Variants in KIF13B observed in about 807,000 individuals in gnomAD.
The protein encoded by KIF13B is kinesin family member 13B.
Under a neutral mutation model 222.0 loss-of-function variants are expected in KIF13B, and 127 were observed. That is an observed-to-expected ratio of 0.57 (90% CI 0.50 to 0.66). The LOEUF (loss-of-function observed/expected upper bound fraction) is 0.66. Among genes scored for constraint, KIF13B ranks in the 30% least tolerant of loss-of-function variants. The pLI is 0.00. For synonymous variants in KIF13B, 976 were observed against 919.0 expected, an observed-to-expected ratio of 1.06 and a Z score of -1.12; for missense variants, 2,173 against 2,379.0, an observed-to-expected ratio of 0.91 and a Z score of 1.80.
intron 36 of KIF13B, among the ~76,000 whole-genome samples, chr8:29,094,880 A>G (rs893594410): frequency 6.6e-6 from 1 of 152,120 alleles, no homozygotes; most frequent in African/African-American, 2.4e-5. Context: ...AAAAAAAACA[A>G]TGACTGAAAT....
chr8:29,245,642 G>A (rs1302160713), intron 1 of KIF13B, among the ~76,000 whole-genome samples: 2 of 152,134 alleles, frequency 1.3e-5, no homozygotes, highest in Admixed American at 6.6e-5. Flanking sequence ...GAAGGACTGG[G>A]CAGCTTCCCA....
At chr8:29,116,729 T>C in intron 31 of KIF13B, 102 bp downstream of exon 31, 1 of 1,106,286 alleles carries the variant, frequency 9.0e-7, no homozygotes, top group East Asian at 2.5e-5. Context: ...AGCTCAGTGC[T>C]TCCGGGAGCC....
rs1340442125 is a variant in KIF13B, at chr8:29,130,678, C to T, written c.2943-13G>A. On this transcript the variant is annotated splice_polypyrimidine_tract_variant and intron_variant, in intron 23 of 39. Coordinates refer to ENST00000524189, the MANE Select transcript of KIF13B (RefSeq NM_015254.4). Reference sequence around the variant, plus strand: ...CACTTCACTCCATCTAGGAAATAAGCGAAGTTCTTGGAAAATCATACATTT... The same window carrying T: ...CACTTCACTCCATCTAGGAAATAAGTGAAGTTCTTGGAAAATCATACATTT... 4 of 1,613,282 alleles carry T rather than the reference C, an allele frequency of 2.5e-6. No homozygotes were observed. The highest frequency in any genetic ancestry group is 1.3e-5 in the African/African-American group (1 of 74,878).
intron 24 of KIF13B, among the ~76,000 whole-genome samples, chr8:29,127,886 CTTTATTA>C (rs1387636629): frequency 6.6e-6 from 1 of 151,936 alleles, no homozygotes; most frequent in Non-Finnish European, 1.5e-5. Flanking sequence ...CATTCAATAA[CTTTATTA>C]TTTGTTTTAT....
At chr8:29,158,740 G>A (rs528133695) in intron 13 of KIF13B, among the ~76,000 whole-genome samples, 9 of 152,250 alleles carry the variant, frequency 5.9e-5, no homozygotes, top group South Asian at 2.1e-4. Context: ...TAGCTTGGGC[G>A]ATCAAGAAAT....
In KIF13B at chr8:29,155,717, G is replaced by T. The variant is rs754896527; in HGVS notation, c.1535+9C>A. The T allele has an allele frequency of 2.5e-6, 4 of 1,600,586 alleles. No individual in the cohort carries two copies. Among genetic ancestry groups the T allele is most frequent in the Non-Finnish European group, 3.4e-6 (4 of 1,172,396 alleles). On this transcript the variant is annotated intron_variant, in intron 14 of 39. Coordinates refer to ENST00000524189, the MANE Select transcript of KIF13B (RefSeq NM_015254.4). The stretch of plus-strand genomic sequence containing the variant: ...TCTTGTGATATGAACACTAATTCAA[G>T]TATGTTACCTGGTGTTCTTCTGAGG...
At chr8:29,165,813 G>T in intron 11 of KIF13B, 41 bp from the exon 12 acceptor site, 1 of 1,432,682 alleles carries the variant, frequency 7.0e-7, no homozygotes, top group Non-Finnish European at 9.8e-7. Context: ...TCTAGAAGAT[G>T]CCCTGGAAAA....
intron 35 of KIF13B, among the ~76,000 whole-genome samples, chr8:29,100,299 A>G (rs1204635458): frequency 1.3e-5 from 2 of 152,184 alleles, no homozygotes; most frequent in Non-Finnish European, 2.9e-5. Flanking sequence ...TAAACCCCAA[A>G]TGTTGCTTGT....
chr8:29,149,916 A>G lies in KIF13B; in HGVS notation c.1622+381T>C, dbSNP rs539736782. Among the ~76,000 whole-genome samples, 191 of 152,348 alleles carry G rather than the reference A, an allele frequency of 1.3e-3. 2 individuals are homozygous for G. Among genetic ancestry groups the G allele is most frequent in the African/African-American group, 4.5e-3 (187 of 41,582 alleles). ...TGAAAAGAATTCCTAAAAGAACCTTATTTTATAGATAAGGAAACTAAAACC... is the reference window on the plus strand; with the variant it reads ...TGAAAAGAATTCCTAAAAGAACCTTGTTTTATAGATAAGGAAACTAAAACC... On this transcript the variant is annotated intron_variant, in intron 15 of 39. Transcript: ENST00000524189.
chr8:29,188,704 G>T, intron 4 of KIF13B, 97 bp from the exon 5 acceptor site: 1 of 716,924 alleles, frequency 1.4e-6, no homozygotes, highest in Non-Finnish European at 2.3e-6. Flanking sequence ...TGTATAATCT[G>T]CTTATTTATC....
chr8:29,165,697 C>T lies in KIF13B; in HGVS notation c.1234G>A (p.Glu412Lys), dbSNP rs1811960985. ...TCCTCCGTTTTCCTTAATTTCTCCT[C>T]CCAGGTCACAGTCATTTCCTGGATT... ...KLIQEMTVTW[E>K]EKLRKTEEIA... Residue 412 changes from glutamate (E) to lysine (K), a missense_variant, in exon 12 of 40, where the codon GAG becomes AAG. Around this residue, in one of 2 missense-constraint regions of KIF13B, gnomAD observed 1,480 missense variants for 1,722.8 expected, o/e 0.86. Coordinates refer to ENST00000524189, the MANE Select transcript of KIF13B (RefSeq NM_015254.4). 1 of 1,613,370 alleles carries T rather than the reference C, an allele frequency of 6.2e-7. No homozygotes were observed. Among genetic ancestry groups the T allele is most frequent in the Non-Finnish European group, 8.5e-7 (1 of 1,179,414 alleles).
intron 2 of KIF13B, among the ~76,000 whole-genome samples, chr8:29,201,238 G>A (rs752521521): frequency 9.9e-5 from 15 of 152,120 alleles, no homozygotes; most frequent in Non-Finnish European, 2.2e-4. Context: ...CAGGCAGCTT[G>A]GGAAACAACA....
chr8:29,259,548 G>A (rs1816606903), intron 1 of KIF13B, among the ~76,000 whole-genome samples: 1 of 152,142 alleles, frequency 6.6e-6, no homozygotes, highest in South Asian at 2.1e-4. Context: ...TCTAATATAA[G>A]CCAGATACCT....
intron 3 of KIF13B, 77 bp from the exon 4 acceptor site, chr8:29,191,134 T>C (rs1813162793): frequency 2.7e-6 from 3 of 1,107,068 alleles, no homozygotes; most frequent in Admixed American, 2.3e-5. Flanking sequence ...GAACTGTTCA[T>C]AATAGTGAAA....
intron 1 of KIF13B, among the ~76,000 whole-genome samples, chr8:29,253,859 G>A (rs953876542): frequency 1.7e-4 from 21 of 126,876 alleles, no homozygotes; most frequent in Non-Finnish European, 2.5e-4. Flanking sequence ...AAAAAAACCC[G>A]CTTAAGGCAG....
intron 2 of KIF13B, among the ~76,000 whole-genome samples, chr8:29,220,494 G>C (rs575765207): frequency 1.3e-5 from 2 of 152,064 alleles, no homozygotes; most frequent in South Asian, 2.1e-4. Flanking sequence ...AGGAGGGGAA[G>C]GCGACAGCTG....
At chr8:29,084,743 A>C (rs1807968162) in intron 37 of KIF13B, among the ~76,000 whole-genome samples, 1 of 152,266 alleles carries the variant, frequency 6.6e-6, no homozygotes, top group Non-Finnish European at 1.5e-5. Context: ...CTATTATGCC[A>C]AATTAATTCA....
intron 38 of KIF13B, among the ~76,000 whole-genome samples, chr8:29,073,075 G>C (rs1224943221): frequency 6.9e-6 from 1 of 145,188 alleles, no homozygotes; most frequent in Non-Finnish European, 1.5e-5. Flanking sequence ...GGACGAGGAG[G>C]GGTACGAGGA....
intron 2 of KIF13B, among the ~76,000 whole-genome samples, chr8:29,210,208 T>C (rs1268726390): frequency 6.6e-6 from 1 of 152,120 alleles, no homozygotes; most frequent in African/African-American, 2.4e-5. Context: ...TCTAAAAATA[T>C]CTAAAATGAG....
Sources: allele counts gnomAD v4.1 joint callset (sites outside exome capture counted in the v4.1 genomes callset), GRCh38; gene constraint gnomAD v4.1.1; regional missense constraint gnomAD v4.1.1; transcripts MANE v1.5; gene names NCBI Gene and HGNC (gene_info 2026-07-23, HGNC 2026-07-21).